DUSP5: variants seen among roughly 807,000 people sequenced by gnomAD.
DUSP5 encodes the protein dual specificity protein phosphatase 5.
A neutral mutation model predicts 33.6 loss-of-function variants in DUSP5; 22 were observed. The ratio of observed to expected loss-of-function variants is 0.66; its 90% confidence interval spans 0.47 to 0.94. The LOEUF is 0.94. Ranked by LOEUF, DUSP5 falls within the 40% of genes least tolerant of loss-of-function variation. The probability of loss-of-function intolerance (pLI) is 0.00; values close to 1 mark genes in which losing one functional copy is unlikely to be tolerated. For missense variants in DUSP5, 551 were observed against 522.1 expected, an observed-to-expected ratio of 1.06 and a Z score of -0.54; for synonymous variants, 270 against 231.1, an observed-to-expected ratio of 1.17 and a Z score of -1.53.
Position 110,510,348 on chromosome 10 carries a change from G to A in DUSP5, c.1077G>A (p.Ser359=), listed in dbSNP as rs773687227. The A allele has an allele frequency of 6.2e-6, 10 of 1,613,636 alleles. No homozygotes were observed. Among genetic ancestry groups the A allele is most frequent in the African/African-American group, 5.3e-5 (4 of 74,932 alleles). The change falls in exon 4 of 4, where the codon TCG becomes TCA. Residue 359 remains serine, a synonymous_variant. Coordinates refer to ENST00000369583, the MANE Select transcript of DUSP5 (RefSeq NM_004419.4). ...MQGAYCTFPA[S]VLAPVPTHST... ...GTGCCTACTGCACATTCCCTGCCTCGGTGCTGGCACCGGTGCCTACCCACT... is the reference window on the plus strand; with the variant it reads ...GTGCCTACTGCACATTCCCTGCCTCAGTGCTGGCACCGGTGCCTACCCACT...
rs1860071306 is a variant in DUSP5 at position 110,502,815 on chromosome 10, C to T, written c.474C>T (p.Ile158=). ...QEKIESERAL[I]SQCGKPVVNV... is the part of the protein sequence containing the mutation. ...AGATTGAGAGTGAGAGAGCCCTCATCAGCCAGTGTGGAAAACCAGTGGTAA... is the reference window on the plus strand; with the variant it reads ...AGATTGAGAGTGAGAGAGCCCTCATTAGCCAGTGTGGAAAACCAGTGGTAA... The change falls in exon 2 of 4, where the codon ATC becomes ATT. Residue 158 remains isoleucine, a synonymous_variant. Coordinates refer to ENST00000369583, the MANE Select transcript of DUSP5 (RefSeq NM_004419.4). 3 of 1,614,034 alleles carry T rather than the reference C, an allele frequency of 1.9e-6. No homozygotes were observed. The highest frequency in any genetic ancestry group is 1.3e-5 in the African/African-American group (1 of 74,918).
chr10:110,509,930 C>G (rs1860165504), intron 3 of DUSP5, 90 bp from the exon 4 acceptor site: 1 of 1,486,448 alleles, frequency 6.7e-7, no homozygotes. Context: ...AGTTTCATAT[C>G]TAGGTTACTC....
chr10:110,502,658 A>G, intron 1 of DUSP5, 63 bp from the exon 2 acceptor site: 2 of 1,575,472 alleles, frequency 1.3e-6, no homozygotes, highest in Non-Finnish European at 1.7e-6. Context: ...AACTATGGGT[A>G]TTTTTGACAG....
intron 3 of DUSP5, 115 bp from the exon 4 acceptor site, chr10:110,509,905 T>A (rs1860165208): frequency 1.4e-6 from 2 of 1,396,468 alleles, no homozygotes; most frequent in Non-Finnish European, 1.9e-6. Flanking sequence ...GCCGTGGCTC[T>A]TAGGCAGGCA....
chr10:110,510,314 A>T lies in DUSP5; in HGVS notation c.1043A>T (p.Asp348Val), dbSNP rs751320813. The stretch of plus-strand genomic sequence containing the variant: ...GGCCATTTGCAGACACTGAGCCCTG[A>T]CATGCAGGGTGCCTACTGCACATTC... ...LIGHLQTLSP[D>V]MQGAYCTFPA... Residue 348 changes from aspartate (D) to valine (V), a missense_variant, in exon 4 of 4, where the codon GAC becomes GTC. Transcript: ENST00000369583. 2 of 1,614,204 alleles carry T rather than the reference A, an allele frequency of 1.2e-6. No homozygotes were observed. The highest frequency in any genetic ancestry group is 2.2e-5 in the South Asian group (2 of 91,086).
At chr10:110,499,799 T>C (rs1217296455) in intron 1 of DUSP5, among the ~76,000 whole-genome samples, 1 of 152,204 alleles carries the variant, frequency 6.6e-6, no homozygotes, top group Non-Finnish European at 1.5e-5. Context: ...TTTCTCTTCC[T>C]AATATGGTTT....
chr10:110,507,734 G>T (rs142324858), intron 3 of DUSP5, among the ~76,000 whole-genome samples: 9 of 152,176 alleles, frequency 5.9e-5, no homozygotes, highest in Non-Finnish European at 1.5e-5. Flanking sequence ...TTCTTGTTAC[G>T]CAGTTATTTA....
At chr10:110,506,246 A>G (rs1293492324) in intron 2 of DUSP5, among the ~76,000 whole-genome samples, 2 of 152,126 alleles carry the variant, frequency 1.3e-5, no homozygotes, top group Non-Finnish European at 2.9e-5. Flanking sequence ...TCTGGGCAAC[A>G]TAGCAAGAAC....
At chr10:110,504,885 C>G (rs1860099265) in intron 2 of DUSP5, among the ~76,000 whole-genome samples, 1 of 152,162 alleles carries the variant, frequency 6.6e-6, no homozygotes, top group South Asian at 2.1e-4. Flanking sequence ...GGTATTATCC[C>G]CAGTTTAGAG....
In DUSP5 at chr10:110,502,024, G is replaced by T. The variant is rs555888554; in HGVS notation, c.380-697G>T. ...AAGAAAAGTGGGGATAAGAAGATAG[G>T]GTGGTCATGAAGGGGACAGAGACAG... On this transcript the variant is annotated intron_variant, in intron 1 of 3. Coordinates refer to ENST00000369583, the MANE Select transcript of DUSP5 (RefSeq NM_004419.4). 2.6e-5 allele frequency among the ~76,000 whole-genome samples: 4 copies of T among 152,182 alleles called. No homozygotes were observed. In the South Asian group the frequency reaches 6.2e-4, roughly 24 times the overall value.
In DUSP5 at chr10:110,507,011, A is replaced by G. The variant is rs766056367; in HGVS notation, c.605A>G (p.Asn202Ser). 1 of 1,614,244 alleles carries G rather than the reference A, an allele frequency of 6.2e-7. No individual in the cohort carries two copies. The highest frequency in any genetic ancestry group is 1.1e-5 in the South Asian group (1 of 91,088). ...GCATCCAAGTGCGAGTTCCTCGCCAACCTGCACATCACAGCCCTGCTGAAT... is the reference window on the plus strand; with the variant it reads ...GCATCCAAGTGCGAGTTCCTCGCCAGCCTGCACATCACAGCCCTGCTGAAT... The part of the protein sequence containing the change: ...YHASKCEFLA[N>S]LHITALLNVS... The change falls in exon 3 of 4, where the codon AAC becomes AGC. Residue 202 changes from asparagine (N) to serine (S), a missense_variant. Coordinates refer to ENST00000369583, the MANE Select transcript of DUSP5 (RefSeq NM_004419.4).
At chr10:110,505,708 C>T (rs1444477112) in intron 2 of DUSP5, among the ~76,000 whole-genome samples, 1 of 152,204 alleles carries the variant, frequency 6.6e-6, no homozygotes, top group African/African-American at 2.4e-5. Context: ...CACCCAGCCC[C>T]TTGTTTCCCT....
chr10:110,499,377 C>T (rs1166901865), intron 1 of DUSP5, among the ~76,000 whole-genome samples: 2 of 152,186 alleles, frequency 1.3e-5, no homozygotes, highest in Non-Finnish European at 2.9e-5. Context: ...TATGACTGCT[C>T]CTGCTTTGTG....
chr10:110,502,609 AT>A, intron 1 of DUSP5, 111 bp from the exon 2 acceptor site: 16 of 1,320,492 alleles, frequency 1.2e-5, no homozygotes, highest in Admixed American at 2.3e-5. Flanking sequence ...GTACTGGCTT[AT>A]TTTTTTTCTT....
At chr10:110,502,337 C>T (rs757575426) in intron 1 of DUSP5, among the ~76,000 whole-genome samples, 3 of 152,180 alleles carry the variant, frequency 2.0e-5, no homozygotes, top group South Asian at 4.1e-4. Context: ...CCTGTCTTCT[C>T]GCCAATTAAT....
At position 110,502,710 on chromosome 10, in the gene DUSP5, T is replaced by C. The variant is rs1235029293; in HGVS notation, c.380-11T>C. ...TTACCATCTGTCTCACCTTTTTGTT[T>C]GTTTTTGTAGGGGGATATGAGACTT... On this transcript the variant is annotated splice_polypyrimidine_tract_variant and intron_variant, in intron 1 of 3. Coordinates refer to ENST00000369583, the MANE Select transcript of DUSP5 (RefSeq NM_004419.4). The C allele has an allele frequency of 6.2e-7, 1 of 1,611,808 alleles. No individual in the cohort carries two copies. Among genetic ancestry groups the C allele is most frequent in the African/African-American group, 1.3e-5 (1 of 74,984 alleles).
At chr10:110,509,325 T>C (rs1860157301) in intron 3 of DUSP5, among the ~76,000 whole-genome samples, 1 of 152,188 alleles carries the variant, frequency 6.6e-6, no homozygotes, top group Non-Finnish European at 1.5e-5. Context: ...AAGATGGAAT[T>C]TGTGAAAGCC....
At chr10:110,499,431 C>A (rs552870961) in intron 1 of DUSP5, among the ~76,000 whole-genome samples, 1 of 152,320 alleles carries the variant, frequency 6.6e-6, no homozygotes, top group Admixed American at 6.5e-5. Flanking sequence ...GGAGACCTGA[C>A]CCACATGTAG....
At chr10:110,500,382 G>A (rs945290619) in intron 1 of DUSP5, among the ~76,000 whole-genome samples, 16 of 152,174 alleles carry the variant, frequency 1.1e-4, no homozygotes, top group African/African-American at 3.1e-4. Context: ...GAATTGCCAG[G>A]TCAAGAATTA....
Sources: allele counts gnomAD v4.1 joint callset (sites outside exome capture counted in the v4.1 genomes callset), GRCh38; gene constraint gnomAD v4.1.1; transcripts MANE v1.5; gene names NCBI Gene and HGNC (gene_info 2026-07-23, HGNC 2026-07-21).